LRRC7: variants seen among roughly 807,000 people sequenced by gnomAD.
LRRC7 encodes leucine-rich repeat-containing protein 7.
In LRRC7, 23 loss-of-function variants were observed where a neutral mutation model predicts 175.7. The ratio of observed to expected loss-of-function variants is 0.13; its 90% CI spans 0.09 to 0.19. LRRC7 has a LOEUF of 0.19. LRRC7 is among the 10% of genes least tolerant of loss of function. LRRC7 has a pLI of 1.00. For synonymous variants in LRRC7, 685 were observed against 680.9 expected, an observed-to-expected ratio of 1.01 and a Z score of -0.09; for missense variants, 1,354 against 1,904.7, an observed-to-expected ratio of 0.71 and a Z score of 5.38.
At chr1:69,817,828 T>C in intron 4 of LRRC7, among the ~76,000 whole-genome samples, 1 of 152,150 alleles carries the variant, frequency 6.6e-6, no homozygotes, top group Non-Finnish European at 1.5e-5. Context: ...TTTTCAGTGA[T>C]ACAGATTTTT....
intron 18 of LRRC7, chr1:70,031,140 T>C (rs1190429827): frequency 6.6e-6 from 1 of 152,276 alleles, no homozygotes; most frequent in Non-Finnish European, 1.5e-5. Flanking sequence ...ACTTTGTTTA[T>C]TGACTTCAGA....
At chr1:69,970,074 C>T (rs1191423930) in intron 8 of LRRC7, among the ~76,000 whole-genome samples, 2 of 152,016 alleles carry the variant, frequency 1.3e-5, no homozygotes, top group African/African-American at 2.4e-5. Context: ...AAAAATTCTT[C>T]GAACTGAACA....
chr1:69,821,800 C>A (rs888104954), intron 4 of LRRC7, among the ~76,000 whole-genome samples: 2 of 151,934 alleles, frequency 1.3e-5, no homozygotes, highest in Admixed American at 1.3e-4. Flanking sequence ...GAGGCTGAGG[C>A]AGGATAATCA....
chr1:69,803,104 C>G (rs528539841), intron 4 of LRRC7, among the ~76,000 whole-genome samples: 12 of 151,364 alleles, frequency 7.9e-5, no homozygotes, highest in Non-Finnish European at 1.6e-4. Context: ...ATTCATCCTG[C>G]TCCATTGCCT....
intron 1 of LRRC7, among the ~76,000 whole-genome samples, chr1:69,616,061 T>A (rs1490352356): frequency 1.3e-5 from 2 of 152,098 alleles, no homozygotes; most frequent in Admixed American, 1.3e-4. Flanking sequence ...ATTCAACAAC[T>A]GTTTCTCTAC....
At chr1:69,728,981 G>A (rs927180714) in intron 2 of LRRC7, among the ~76,000 whole-genome samples, 2 of 152,136 alleles carry the variant, frequency 1.3e-5, no homozygotes, top group Non-Finnish European at 2.9e-5. Flanking sequence ...AGAAGGGGAA[G>A]TAAACATGTC....
chr1:69,723,436 T>C (rs1247961476), intron 2 of LRRC7, among the ~76,000 whole-genome samples: 1 of 152,152 alleles, frequency 6.6e-6, no homozygotes, highest in African/African-American at 2.4e-5. Flanking sequence ...TACAGCTGAT[T>C]TTTTTATCAT....
intron 7 of LRRC7, among the ~76,000 whole-genome samples, chr1:69,868,295 T>C (rs1016204335): frequency 1.2e-4 from 18 of 152,174 alleles, no homozygotes; most frequent in Non-Finnish European, 2.5e-4. Context: ...TAAACAGTTA[T>C]AATGCTCACA....
intron 1 of LRRC7, among the ~76,000 whole-genome samples, chr1:69,573,385 A>C (rs2764522): frequency 0.15 from 22,653 of 152,188 alleles, 1,849 homozygotes; most frequent in Admixed American, 0.19. Flanking sequence ...CCAGCTTTTG[A>C]AAGCTGTATA....
chr1:69,838,836 A>C (rs751158902), intron 7 of LRRC7, among the ~76,000 whole-genome samples: 8 of 151,962 alleles, frequency 5.3e-5, no homozygotes, highest in Non-Finnish European at 1.2e-4. Flanking sequence ...TAAAGTAAAA[A>C]CTAATCCTTA....
chr1:70,094,505 G>A (rs979690175), intron 25 of LRRC7, among the ~76,000 whole-genome samples: 1 of 151,966 alleles, frequency 6.6e-6, no homozygotes, highest in Non-Finnish European at 1.5e-5. Context: ...CTAAATAAAT[G>A]TCCTAGAATT....
chr1:69,774,553 GAA>G (rs766731339), intron 3 of LRRC7, among the ~76,000 whole-genome samples: 12 of 152,142 alleles, frequency 7.9e-5, no homozygotes, highest in Non-Finnish European at 1.6e-4. Context: ...CAGAAACAAA[GAA>G]AAGTGAGGTG....
intron 3 of LRRC7, among the ~76,000 whole-genome samples, chr1:69,787,639 G>A (rs1266748853): frequency 1.3e-5 from 2 of 152,188 alleles, no homozygotes; most frequent in African/African-American, 4.8e-5. Context: ...CTCTATGTTG[G>A]CCCCTTTCTG....
At chr1:70,012,823 T>G (rs555196493) in intron 12 of LRRC7, 151 bp from the exon 13 acceptor site, 16 of 296,658 alleles carry the variant, frequency 5.4e-5, no homozygotes, top group Admixed American at 3.6e-4. Context: ...ATACCTATAT[T>G]TTAAAGAGCT....
chr1:69,989,822 T>C (rs1408818315), intron 10 of LRRC7, among the ~76,000 whole-genome samples: 1 of 152,106 alleles, frequency 6.6e-6, no homozygotes, highest in Non-Finnish European at 1.5e-5. Context: ...ATATAATAAA[T>C]TTGCACTGGC....
At chr1:69,722,837 A>G (rs1225593010) in intron 2 of LRRC7, among the ~76,000 whole-genome samples, 1 of 152,054 alleles carries the variant, frequency 6.6e-6, no homozygotes, top group Non-Finnish European at 1.5e-5. Flanking sequence ...TTTGTATGCA[A>G]TATATACCAT....
chr1:69,628,621 G>A (rs1298849372), intron 1 of LRRC7, among the ~76,000 whole-genome samples: 5 of 152,126 alleles, frequency 3.3e-5, no homozygotes, highest in Admixed American at 3.3e-4. Context: ...TATCAACAAA[G>A]TGTTTTTGAA....
chr1:69,718,108 A>AGAAAGAAAGAAAG (rs1557642941), intron 2 of LRRC7, among the ~76,000 whole-genome samples: 2 of 73,408 alleles, frequency 2.7e-5, no homozygotes, highest in African/African-American at 1.3e-4. Context: ...AGAAAGAGAG[A>AGAAAGAAAGAAAG]AAAAGAAAGA....
intron 2 of LRRC7, among the ~76,000 whole-genome samples, chr1:69,687,534 A>G (rs1336608230): frequency 3.4e-5 from 5 of 145,818 alleles, no homozygotes; most frequent in Admixed American, 6.8e-5. Context: ...AAAAAAAAAA[A>G]AAAAGAAAAA....
Sources: allele counts gnomAD v4.1 joint callset (sites outside exome capture counted in the v4.1 genomes callset), GRCh38; gene constraint gnomAD v4.1.1; transcripts MANE v1.5; gene names NCBI Gene and HGNC (gene_info 2026-07-23, HGNC 2026-07-21).